PSAPL1: variants seen among roughly 807,000 people sequenced by gnomAD.
PSAPL1 encodes the protein prosaposin like 1.
For synonymous variants in PSAPL1, 351 were observed against 291.6 expected (o/e 1.20, Z -2.08); for missense variants, 814 against 688.8 (o/e 1.18, Z -2.03).
chr4:7,434,500 TCCGGGGCCCCACGGAGCATG>T, the PSAPL1 span: 1 of 1,612,402 alleles, frequency 6.2e-7, no homozygotes, highest in Non-Finnish European at 8.5e-7. Flanking sequence ...CGGGGCACTG[TCCGGGGCCCCACGGAGCATG>T]CTCAGGATGG....
chr4:7,434,681 A>G lies in PSAPL1; in HGVS notation c.199T>C (p.Cys67Arg), dbSNP rs368529906. The G allele has an allele frequency of 6.2e-6, 10 of 1,612,844 alleles. No individual in the cohort carries two copies. Among genetic ancestry groups the G allele is most frequent in the South Asian group, 4.4e-5 (4 of 90,788 alleles). The change falls in exon 1 of 1, where the codon TGC (cysteine) becomes CGC (arginine). Residue 67 changes from cysteine (C) to arginine (R), a missense_variant. Physicochemically the swap from Cys to Arg is radical, Grantham distance 180. Coordinates refer to ENST00000319098, the MANE Select transcript of PSAPL1 (RefSeq NM_001085382.2). Reference protein sequence around the residue: ...PTAKSLPCDVCQDIAAAAGNG... With the variant: ...PTAKSLPCDVRQDIAAAAGNG... ...CCAGCGGCGGCTGCTATGTCCTGGC[A>G]TACGTCGCAGGGCAGAGACTTCGCG...
Position 7,430,874 on chromosome 4 carries a change from A to C in PSAPL1, c.*2440T>G, listed in dbSNP as rs1726798713. On this transcript the variant is annotated 3_prime_UTR_variant, in exon 1 of 1. Coordinates refer to ENST00000319098, the MANE Select transcript of PSAPL1 (RefSeq NM_001085382.2). The stretch of plus-strand genomic sequence containing the variant: ...CATTTGGATGGACTCCTTAAGCCTC[A>C]GTCTCAGTGCTGAATGGTGGTGCTG... The C allele has an allele frequency of 2.0e-5, 3 of 152,218 alleles. No homozygotes were observed. Among genetic ancestry groups the C allele is most frequent in the Non-Finnish European group, 4.4e-5 (3 of 68,050 alleles). The allele number at this position is 152,218 out of a possible 1,614,324, so 9.4% of individuals were successfully genotyped here.
rs1476788554 is a variant in PSAPL1, at chr4:7,434,182, A to G, written c.698T>C (p.Val233Ala). Reference sequence around the variant, plus strand: ...AAGCCTCAGTGCTTGGTCAGCAGGGACAAAAAACTGGAAGAGGTAGTTCTT... The same window carrying G: ...AAGCCTCAGTGCTTGGTCAGCAGGGGCAAAAAACTGGAAGAGGTAGTTCTT... ...LCKNYLFQFF[V>A]PADQALRLLP... The change falls in exon 1 of 1, where the codon GTC becomes GCC. Residue 233 changes from valine to alanine, a missense_variant. Physicochemically the swap from Val to Ala is moderately conservative, Grantham distance 64. Transcript: ENST00000319098. 1.2e-6 allele frequency: 2 copies of G among 1,613,768 alleles called. No individual in the cohort carries two copies. The highest frequency in any genetic ancestry group is 2.7e-5 in the African/African-American group (2 of 74,930).
chr4:7,434,331 C>G lies in PSAPL1; in HGVS notation c.549G>C (p.Leu183=), dbSNP rs1393396063. ...AGACCTGCCGTACACAGTCTTGGCA[C>G]AGAGCTCCTTCAGGCGCCTGGCGGG... ...FHPRQAPEGA[L]CQDCVRQVSR... The change falls in exon 1 of 1, where the codon CTG becomes CTC. Residue 183 remains leucine, a synonymous_variant. Coordinates refer to ENST00000319098, the MANE Select transcript of PSAPL1 (RefSeq NM_001085382.2). 20 of 1,610,984 alleles carry G rather than the reference C, an allele frequency of 1.2e-5. No individual in the cohort carries two copies. Among genetic ancestry groups the G allele is most frequent in the Non-Finnish European group, 1.5e-5 (18 of 1,178,962 alleles).
At position 7,431,103 on chromosome 4, in the gene PSAPL1, C is replaced by A. The variant is rs1237525090; in HGVS notation, c.*2211G>T. On this transcript the variant is annotated 3_prime_UTR_variant, in exon 1 of 1. Coordinates refer to ENST00000319098, the MANE Select transcript of PSAPL1 (RefSeq NM_001085382.2). Reference sequence around the variant, plus strand: ...GAGTGAGTGGAGGGGTCAGAGGGCCCCTATGGGGGTGGGGCAGGGCCGTGC... The same window carrying A: ...GAGTGAGTGGAGGGGTCAGAGGGCCACTATGGGGGTGGGGCAGGGCCGTGC... The A allele has an allele frequency of 6.6e-6, 1 of 152,356 alleles. No homozygotes were observed. The highest frequency in any genetic ancestry group is 1.5e-5 in the Non-Finnish European group (1 of 68,156). The allele number at this position is 152,356 out of a possible 1,614,324, so 9.4% of individuals were successfully genotyped here.
In PSAPL1 at chr4:7,434,788, G is replaced by T. The variant is rs745367921; in HGVS notation, c.92C>A (p.Thr31Lys). Residue 31 changes from threonine to lysine, a missense_variant, in exon 1 of 1, where the codon ACG becomes AAG. Physicochemically the swap from Thr to Lys is moderately conservative, Grantham distance 78. Transcript: ENST00000319098. ...SGPQECAKGS[T>K]VWCQDLQTAA... ...TGTCTGCAGATCCTGACACCACACC[G>T]TGGAGCCCTTTGCACACTCCTGGGG... 2 of 1,611,264 alleles carry T rather than the reference G, an allele frequency of 1.2e-6. No homozygotes were observed. Among genetic ancestry groups the T allele is most frequent in the Non-Finnish European group, 1.7e-6 (2 of 1,179,058 alleles).
rs759249525 is a variant in PSAPL1 at position 7,434,621 on chromosome 4, T to C, written c.259A>G (p.Ile87Val). The C allele has an allele frequency of 6.2e-7, 1 of 1,613,414 alleles. No individual in the cohort carries two copies. The highest frequency in any genetic ancestry group is 8.5e-7 in the Non-Finnish European group (1 of 1,179,694). The change falls in exon 1 of 1, where the codon ATC becomes GTC. Residue 87 changes from isoleucine to valine, a missense_variant. Physicochemically the swap from Ile to Val is conservative, Grantham distance 29. Coordinates refer to ENST00000319098, the MANE Select transcript of PSAPL1 (RefSeq NM_001085382.2). The part of the protein sequence containing the change: ...GLNPDATESD[I>V]LALVMKTCEW... The stretch of plus-strand genomic sequence containing the variant: ...CAGGTCTTCATCACCAAAGCCAGGA[T>C]GTCAGACTCCGTGGCGTCAGGGTTC...
rs1378184086 is a variant in PSAPL1, at chr4:7,434,547, C to T, written c.333G>A (p.Val111=). Residue 111 remains valine (V), a synonymous_variant, in exon 1 of 1, where the codon GTG becomes GTA. Transcript: ENST00000319098. ...QESSAGCKWM[V]DAHSSAILSM... is the part of the protein sequence containing the mutation. ...TCAGGATGGCCGAACTGTGGGCATCCACCATCCACTTGCATCCGGCTGAAG... is the reference window on the plus strand; with the variant it reads ...TCAGGATGGCCGAACTGTGGGCATCTACCATCCACTTGCATCCGGCTGAAG... The T allele has an allele frequency of 6.2e-7, 1 of 1,613,352 alleles. No homozygotes were observed. Among genetic ancestry groups the T allele is most frequent in the South Asian group, 1.1e-5 (1 of 91,054 alleles).
At position 7,434,240 on chromosome 4, in the gene PSAPL1, C is replaced by T; in HGVS notation, c.640G>A (p.Glu214Lys). ...LADLNIQEQCESLGPGLAVLC... is the reference protein window; with the variant it reads ...LADLNIQEQCKSLGPGLAVLC... ...ACGGCCAGGCCAGGCCCCAAGGACT[C>T]ACACTGCTCCTGGATGTTCAAGTCG... The change falls in exon 1 of 1, where the codon GAG becomes AAG. Residue 214 changes from glutamate (E) to lysine (K), a missense_variant. Physicochemically the swap from Glu to Lys is moderately conservative, Grantham distance 56 (BLOSUM62 1). Transcript: ENST00000319098. The T allele has an allele frequency of 6.2e-7, 1 of 1,613,594 alleles. No homozygotes were observed. The highest frequency in any genetic ancestry group is 8.5e-7 in the Non-Finnish European group (1 of 1,179,902).
chr4:7,433,636 G>A lies in PSAPL1; in HGVS notation c.1244C>T (p.Thr415Ile), dbSNP rs969794392. Reference sequence around the variant, plus strand: ...GAAGGCCACCAGGATGTCTCGCTTGGTGCTCTTGCTCTCCAAGTTGTGGGA... The same window carrying A: ...GAAGGCCACCAGGATGTCTCGCTTGATGCTCTTGCTCTCCAAGTTGTGGGA... ...VSSHNLESKS[T>I]KRDILVAFKG... The change falls in exon 1 of 1, where the codon ACC becomes ATC. Residue 415 changes from threonine to isoleucine, a missense_variant. Coordinates refer to ENST00000319098, the MANE Select transcript of PSAPL1 (RefSeq NM_001085382.2). 1.2e-6 allele frequency: 2 copies of A among 1,610,682 alleles called. No homozygotes were observed. The highest frequency in any genetic ancestry group is 2.7e-5 in the African/African-American group (2 of 74,892).
At position 7,430,581 on chromosome 4, in the gene PSAPL1, T is replaced by G. The variant is rs1285453018; in HGVS notation, c.*2733A>C. ...TGTGTCTGGCTGAAGGTGCAGGTACTTGCTCGGCTCTGGCAGCCCGGCGGG... is the reference window on the plus strand; with the variant it reads ...TGTGTCTGGCTGAAGGTGCAGGTACGTGCTCGGCTCTGGCAGCCCGGCGGG... On this transcript the variant is annotated 3_prime_UTR_variant, in exon 1 of 1. Coordinates refer to ENST00000319098, the MANE Select transcript of PSAPL1 (RefSeq NM_001085382.2). 6 of 152,164 alleles carry G rather than the reference T, an allele frequency of 3.9e-5. No homozygotes were observed. In the East Asian group the frequency reaches 1.2e-3, roughly 29 times the overall value. The allele number at this position is 152,164 out of a possible 1,614,324, so 9.4% of individuals were successfully genotyped here.
rs1417456320 is a variant in PSAPL1, at chr4:7,434,853, G to C, written c.27C>G (p.Pro9=). Residue 9 remains proline (P), a synonymous_variant, in exon 1 of 1, where the codon CCC becomes CCG. Transcript: ENST00000319098. ...TGGCCCTGGTGGCCCCCAGGAGGCT[G>C]GGCAGGAGGAGCAGGGCACACAGCA... is the stretch of plus-strand genomic sequence containing the variant. The part of the protein sequence containing the change: MLCALLLL[P]SLLGATRASP... The C allele has an allele frequency of 6.3e-7, 1 of 1,583,432 alleles. No individual in the cohort carries two copies. The highest frequency in any genetic ancestry group is 8.6e-7 in the Non-Finnish European group (1 of 1,165,672).
In PSAPL1 at chr4:7,433,732, G is replaced by A. The variant is rs768891247; in HGVS notation, c.1148C>T (p.Pro383Leu). The part of the protein sequence containing the change: ...RAVHDAYAIV[P>L]SPEWDAENQG... ...GTTCTCCGCGTCCCACTCTGGGGACGGCACGATGGCATAGGCATCATGGAC... is the reference window on the plus strand; with the variant it reads ...GTTCTCCGCGTCCCACTCTGGGGACAGCACGATGGCATAGGCATCATGGAC... The change falls in exon 1 of 1, where the codon CCG becomes CTG. Residue 383 changes from proline (P) to leucine (L), a missense_variant. Transcript: ENST00000319098. 1.2e-5 allele frequency: 19 copies of A among 1,613,094 alleles called. No homozygotes were observed. The highest frequency in any genetic ancestry group is 3.3e-5 in the Admixed American group (2 of 60,000).
Position 7,434,786 on chromosome 4 carries a change from C to G in PSAPL1, c.94G>C (p.Val32Leu). 6.2e-7 allele frequency: 1 copy of G among 1,611,558 alleles called. No individual in the cohort carries two copies. Among genetic ancestry groups the G allele is most frequent in the South Asian group, 1.1e-5 (1 of 90,504 alleles). Residue 32 changes from valine to leucine, a missense_variant, in exon 1 of 1, where the codon GTG (valine) becomes CTG (leucine). Coordinates refer to ENST00000319098, the MANE Select transcript of PSAPL1 (RefSeq NM_001085382.2). Reference sequence around the variant, plus strand: ...GCTGTCTGCAGATCCTGACACCACACCGTGGAGCCCTTTGCACACTCCTGG... The same window carrying G: ...GCTGTCTGCAGATCCTGACACCACAGCGTGGAGCCCTTTGCACACTCCTGG... ...GPQECAKGST[V>L]WCQDLQTAAR...
At position 7,433,668 on chromosome 4, in the gene PSAPL1, C is replaced by T. The variant is rs368640205; in HGVS notation, c.1212G>A (p.Thr404=). ...SFCNGCKRLL[T]VSSHNLESKS... ...TGCTCTCCAAGTTGTGGGAGGACAC[C>T]GTGAGCAGCCTCTTGCACCCATTGC... is the stretch of plus-strand genomic sequence containing the variant. Residue 404 remains threonine, a synonymous_variant, in exon 1 of 1, where the codon ACG becomes ACA. Transcript: ENST00000319098. 18 of 1,609,514 alleles carry T rather than the reference C, an allele frequency of 1.1e-5. No homozygotes were observed. The highest frequency in any genetic ancestry group is 2.7e-5 in the African/African-American group (2 of 74,876).
Position 7,434,149 on chromosome 4 carries a change from G to A in PSAPL1, c.731C>T (p.Pro244Leu), listed in dbSNP as rs200558117. The part of the protein sequence containing the change: ...PADQALRLLP[P>L]QELCRKGGFC... ...TCCCCCCTTCCTGCAGAGCTCCTGC[G>A]GGGGGAGAAGCCTCAGTGCTTGGTC... Residue 244 changes from proline to leucine, a missense_variant, in exon 1 of 1, where the codon CCG (proline) becomes CTG (leucine). By Grantham distance (98) the Pro-to-Leu change is moderately conservative. Transcript: ENST00000319098. 2.0e-5 allele frequency: 33 copies of A among 1,613,828 alleles called. No homozygotes were observed. The highest frequency in any genetic ancestry group is 4.4e-5 in the South Asian group (4 of 91,058).
Position 7,432,083 on chromosome 4 carries a change from C to G in PSAPL1, c.*1231G>C, listed in dbSNP as rs1231925494. On this transcript the variant is annotated 3_prime_UTR_variant, in exon 1 of 1. Transcript: ENST00000319098. The stretch of plus-strand genomic sequence containing the variant: ...AGGGGGCACAGTGTCTTAGGGGGGC[C>G]AAACAGCAGGAGCAGAAACCACAGG... The G allele has an allele frequency of 1.3e-5, 2 of 152,466 alleles. No homozygotes were observed. The highest frequency in any genetic ancestry group is 4.8e-5 in the African/African-American group (2 of 41,418). 9.4% of individuals were successfully genotyped at this position (152,466 alleles called of 1,614,324 possible). A position where few individuals can be genotyped will look rare whatever the true frequency, so the allele number is the denominator to read the frequency against.
Position 7,433,644 on chromosome 4 carries a change from G to C in PSAPL1, c.1236C>G (p.Ser412Arg). The C allele has an allele frequency of 6.2e-7, 1 of 1,610,270 alleles. No individual in the cohort carries two copies. The highest frequency in any genetic ancestry group is 2.2e-5 in the East Asian group (1 of 44,808). ...LLTVSSHNLE[S>R]KSTKRDILVA... The stretch of plus-strand genomic sequence containing the variant: ...CCAGGATGTCTCGCTTGGTGCTCTT[G>C]CTCTCCAAGTTGTGGGAGGACACCG... Residue 412 changes from serine (S) to arginine (R), a missense_variant, in exon 1 of 1, where the codon AGC (serine) becomes AGG (arginine). Coordinates refer to ENST00000319098, the MANE Select transcript of PSAPL1 (RefSeq NM_001085382.2).
rs1225794968 is a variant in PSAPL1, at chr4:7,433,380, G to A, written c.1500C>T (p.Asn500=). 11 of 1,489,924 alleles carry A rather than the reference G, an allele frequency of 7.4e-6. No homozygotes were observed. The highest frequency in any genetic ancestry group is 2.5e-5 in the Admixed American group (1 of 40,116). 92.3% of individuals were successfully genotyped at this position (1,489,924 alleles called of 1,614,324 possible). A position where few individuals can be genotyped will look rare whatever the true frequency, so the allele number is the denominator to read the frequency against. The part of the protein sequence containing the change: ...CRSQEAAKLC[N]AVQHCQKHVW... ...CATGCTTCTGGCAGTGTTGCACAGC[G>A]TTGCACAGCTTGGCGGCCTCCTGGC... Residue 500 remains asparagine (N), a synonymous_variant, in exon 1 of 1, where the codon AAC becomes AAT. Transcript: ENST00000319098.
Sources: gnomAD v4.1 joint callset for allele counts on GRCh38, gnomAD v4.1.1 for gene constraint, MANE v1.5 for transcripts, NCBI Gene and HGNC (gene_info 2026-07-23, HGNC 2026-07-21) for gene names.